Variants in MBP observed in about 807,000 individuals in gnomAD.
MBP encodes the protein myelin basic protein.
In MBP, 16 loss-of-function variants were observed where a neutral mutation model predicts 35.8. That is an observed-to-expected ratio of 0.45 (90% CI 0.30 to 0.68). The LOEUF (loss-of-function observed/expected upper bound fraction) is 0.68. Among genes scored for constraint, MBP ranks in the 30% least tolerant of loss-of-function variants. The pLI is 0.08. For missense variants in MBP, 380 were observed against 404.7 expected (o/e 0.94, Z 0.52); for synonymous variants, 143 against 159.6 (o/e 0.90, Z 0.78).
intron 3 of MBP, among the ~76,000 whole-genome samples, chr18:77,060,692 C>T (rs1382238329): frequency 2.0e-5 from 3 of 152,138 alleles, no homozygotes; most frequent in Non-Finnish European, 4.4e-5. Flanking sequence ...CTCAGGTGAT[C>T]CACCTGCCTC....
At chr18:77,077,824 T>G (rs907969598) in intron 2 of MBP, among the ~76,000 whole-genome samples, 1 of 152,200 alleles carries the variant, frequency 6.6e-6, no homozygotes. Context: ...TAAGGCACAT[T>G]ATAGAATCTA....
chr18:77,051,937 G>A (rs1313245368), intron 3 of MBP, among the ~76,000 whole-genome samples: 2 of 152,160 alleles, frequency 1.3e-5, no homozygotes, highest in Non-Finnish European at 2.9e-5. Context: ...AGCTCCTGAA[G>A]GATTCATCTG....
chr18:77,125,458 C>T (rs1036743057), intron 1 of MBP, among the ~76,000 whole-genome samples: 8 of 152,110 alleles, frequency 5.3e-5, no homozygotes, highest in Admixed American at 4.6e-4. Flanking sequence ...CATGCAGAGA[C>T]AGCCAATTCC....
chr18:77,062,243 C>T (rs1364952168), intron 3 of MBP, among the ~76,000 whole-genome samples: 1 of 152,168 alleles, frequency 6.6e-6, no homozygotes, highest in Non-Finnish European at 1.5e-5. Context: ...TTAGTTTAGC[C>T]CCACGATTAG....
At chr18:77,052,240 T>C (rs957964963) in intron 3 of MBP, among the ~76,000 whole-genome samples, 2 of 152,172 alleles carry the variant, frequency 1.3e-5, no homozygotes, top group South Asian at 4.1e-4. Context: ...ATCACAAATG[T>C]GAACTTTACT....
At chr18:77,016,467 A>G in intron 4 of MBP, 1 of 1,091,296 alleles carries the variant, frequency 9.2e-7, no homozygotes, top group Non-Finnish European at 1.1e-6. Flanking sequence ...TGGGCTGCAG[A>G]GGCAACATCA....
rs767636133 is a variant in MBP at position 77,103,815 on chromosome 18, G to C, written c.51+1396C>G. 4.3e-4 allele frequency among the ~76,000 whole-genome samples: 65 copies of C among 152,202 alleles called. 1 individual carries two copies. Among genetic ancestry groups the C allele is most frequent in the Admixed American group, 1.5e-3 (23 of 15,284 alleles). The stretch of plus-strand genomic sequence containing the variant: ...TCATCTGTCCTGAGCGTCTCAGTGG[G>C]AAAAGGGTCCAGAACCCCGATTCAG... On this transcript the variant is annotated intron_variant, in intron 2 of 8. Transcript: ENST00000355994.
chr18:77,066,606 A>T (rs770164524), intron 2 of MBP: 19 of 743,426 alleles, frequency 2.6e-5, no homozygotes, highest in Non-Finnish European at 4.2e-5. Context: ...CACTTTCTGG[A>T]CCCAGTTGGT....
chr18:77,042,066 G>T (rs1196658952), intron 3 of MBP, among the ~76,000 whole-genome samples: 1 of 152,128 alleles, frequency 6.6e-6, no homozygotes, highest in Non-Finnish European at 1.5e-5. Context: ...GTCCCACCTG[G>T]AGCTCTCCAA....
intron 3 of MBP, among the ~76,000 whole-genome samples, chr18:77,030,580 C>G (rs1054518904): frequency 5.3e-5 from 8 of 152,198 alleles, no homozygotes; most frequent in African/African-American, 1.7e-4. Context: ...AAAAATAAAT[C>G]CATATATCTA....
At position 77,056,401 on chromosome 18, in the gene MBP, C is replaced by T. The variant is rs115739501; in HGVS notation, c.139+9897G>A. Among the ~76,000 whole-genome samples the T allele has an allele frequency of 1.6e-3, 242 of 152,342 alleles. 1 individual carries two copies. The highest frequency in any genetic ancestry group is 5.6e-3 in the African/African-American group (232 of 41,572). ...GAATTATTTCTCCGTCCCTTTGAGACATCGGCCCTTTCCTGGCCTCTTGCT... is the reference window on the plus strand; with the variant it reads ...GAATTATTTCTCCGTCCCTTTGAGATATCGGCCCTTTCCTGGCCTCTTGCT... On this transcript the variant is annotated intron_variant, in intron 3 of 8. Transcript: ENST00000355994.
At position 77,102,244 on chromosome 18, in the gene MBP, G is replaced by A. The variant is rs1976058084; in HGVS notation, c.51+2967C>T. On this transcript the variant is annotated intron_variant, in intron 2 of 8. Transcript: ENST00000355994. This position sits in a 1 kb window ranked among gnomAD's most constrained non-coding sequence, Gnocchi z 4.4. The stretch of plus-strand genomic sequence containing the variant: ...AGACCGGGCAGCCCCCACCGCAGCT[G>A]CCCTCCCTGCTGACAGATCAGTAAC... Among the ~76,000 whole-genome samples the A allele has an allele frequency of 6.6e-6, 1 of 152,136 alleles. No homozygotes were observed. The highest frequency in any genetic ancestry group is 1.5e-5 in the Non-Finnish European group (1 of 68,016).
chr18:77,066,266 G>T, intron 3 of MBP, 32 bp downstream of exon 3: 1 of 1,545,380 alleles, frequency 6.5e-7, no homozygotes, highest in Non-Finnish European at 8.9e-7. Context: ...GTCACCATGT[G>T]GCGCCATGTT....
chr18:77,131,493 GCCCCTCACCCAC>G lies in MBP; in HGVS notation c.-26+1075_-26+1086del, dbSNP rs1020721136. On this transcript the variant is annotated intron_variant, in intron 1 of 8. Transcript: ENST00000355994. The surrounding 1 kb of genome is among the most constrained non-coding windows in gnomAD (Gnocchi z 5.5). ...ACCCCAGCACCCAGCGAGCCCACGC[GCCCCTCACCCAC>G]GCGCAGAGAAACCGAGCACTTGTTG... 1 of 151,546 alleles carries G rather than the reference GCCCCTCACCCAC, an allele frequency of 6.6e-6. No homozygotes were observed. The highest frequency in any genetic ancestry group is 1.5e-5 in the Non-Finnish European group (1 of 67,912). The allele number at this position is 151,546 out of a possible 1,614,324, so 9.4% of individuals were successfully genotyped here. A position where few individuals can be genotyped will look rare whatever the true frequency, so the allele number is the denominator to read the frequency against.
At position 76,993,304 on chromosome 18, in the gene MBP, G is replaced by C. The variant is rs201575260; in HGVS notation, c.577-3244C>G. On this transcript the variant is annotated intron_variant, in intron 4 of 8. Transcript: ENST00000355994. ...GTGGTGGCTCGTGCCTGTAATCCTA[G>C]CACTTTGGGAGGCCGAGGCGGGCAG... Among the ~76,000 whole-genome samples the C allele has an allele frequency of 5.6e-4, 85 of 152,328 alleles. No homozygotes were observed. The East Asian group carries it at 0.014, about 24-fold the overall frequency.
chr18:77,055,262 G>A (rs1973674882), intron 3 of MBP, among the ~76,000 whole-genome samples: 1 of 152,238 alleles, frequency 6.6e-6, no homozygotes, highest in South Asian at 2.1e-4. Flanking sequence ...AGGCAGGAAG[G>A]AGCTGAGCTG....
At chr18:77,090,968 G>A (rs976799531) in intron 2 of MBP, among the ~76,000 whole-genome samples, 4 of 152,250 alleles carry the variant, frequency 2.6e-5, no homozygotes, top group African/African-American at 9.6e-5. Flanking sequence ...AGGCAGCAGT[G>A]CAGCTGGAGC....
chr18:77,126,258 G>A (rs1052887976), intron 1 of MBP, among the ~76,000 whole-genome samples: 1 of 152,124 alleles, frequency 6.6e-6, no homozygotes, highest in Non-Finnish European at 1.5e-5. Context: ...CTCAAGGGTG[G>A]GTCAGCATTA....
intron 2 of MBP, chr18:77,087,369 G>C (rs950068274): frequency 6.6e-6 from 1 of 152,262 alleles, no homozygotes; most frequent in African/African-American, 2.4e-5. Context: ...TAAGACGTTT[G>C]TATTCCCCAC....
Sources: allele counts gnomAD v4.1 joint callset (sites outside exome capture counted in the v4.1 genomes callset), GRCh38; gene constraint gnomAD v4.1.1; non-coding constraint Gnocchi (gnomAD v3.1); transcripts MANE v1.5; gene names NCBI Gene and HGNC (gene_info 2026-07-23, HGNC 2026-07-21).